RBFOX1: variants seen among roughly 807,000 people sequenced by gnomAD.
The protein encoded by RBFOX1 is RNA binding fox-1 homolog 1.
Under a neutral mutation model 57.7 loss-of-function variants are expected in RBFOX1, and 8 were observed. The observed-to-expected ratio is 0.14, with a 90% CI of 0.08 to 0.25. The LOEUF is 0.25. Among genes scored for constraint, RBFOX1 ranks in the 10% least tolerant of loss-of-function variants. The pLI is 1.00. For missense variants in RBFOX1, 611 were observed against 548.5 expected (o/e 1.11, Z -1.14); for synonymous variants, 326 against 222.4 (o/e 1.47, Z -4.15).
intron 2 of RBFOX1, among the ~76,000 whole-genome samples, chr16:6,631,441 C>T (rs970277571): frequency 3.3e-5 from 5 of 151,622 alleles, no homozygotes; most frequent in Non-Finnish European, 7.4e-5. Context: ...TTCCCAGTGA[C>T]AGAGTGAGCT....
chr16:5,565,550 G>T (rs181994387), intron 2 of RBFOX1, among the ~76,000 whole-genome samples: 1 of 151,926 alleles, frequency 6.6e-6, no homozygotes. Flanking sequence ...ACTTGAACCC[G>T]GGAGGCGGAG....
At chr16:7,154,133 T>A (rs183260987) in intron 4 of RBFOX1, among the ~76,000 whole-genome samples, 2 of 152,178 alleles carry the variant, frequency 1.3e-5, no homozygotes, top group African/African-American at 4.8e-5. Context: ...TTTTTGCACA[T>A]CATAGTTCAT....
At chr16:6,675,037 C>T (rs1315198872) in intron 3 of RBFOX1, among the ~76,000 whole-genome samples, 1 of 152,110 alleles carries the variant, frequency 6.6e-6, no homozygotes, top group Non-Finnish European at 1.5e-5. Context: ...TCCTCATTAG[C>T]TGGGACTACA....
chr16:6,183,689 G>A (rs12928161), intron 1 of RBFOX1, among the ~76,000 whole-genome samples: 111,405 of 151,784 alleles, frequency 0.73, 41,079 homozygotes, highest in Middle Eastern at 0.81. Context: ...AGGAACGGCC[G>A]GTGTAAAGAC....
chr16:5,963,187 G>C (rs1330540088), intron 4 of RBFOX1, among the ~76,000 whole-genome samples: 1 of 152,122 alleles, frequency 6.6e-6, no homozygotes, highest in East Asian at 1.9e-4. Context: ...GTCTTTATAG[G>C]TTAGGTAATG....
At chr16:7,353,369 G>C (rs74010652) in intron 4 of RBFOX1, among the ~76,000 whole-genome samples, 1 of 152,040 alleles carries the variant, frequency 6.6e-6, no homozygotes, top group African/African-American at 2.4e-5. Flanking sequence ...TGGCAGGAAT[G>C]TAAAATTCCG....
chr16:7,340,524 T>A (rs1161710545), intron 4 of RBFOX1, among the ~76,000 whole-genome samples: 1 of 152,194 alleles, frequency 6.6e-6, no homozygotes, highest in African/African-American at 2.4e-5. Context: ...CAACTCTTTT[T>A]ACAGACTAGT....
At chr16:6,723,053 T>C (rs1159506592) in intron 3 of RBFOX1, among the ~76,000 whole-genome samples, 1 of 152,150 alleles carries the variant, frequency 6.6e-6, no homozygotes, top group Non-Finnish European at 1.5e-5. Context: ...CTACCCAGGC[T>C]TTGGGGAGGG....
intron 3 of RBFOX1, among the ~76,000 whole-genome samples, chr16:6,662,347 C>A (rs914985328): frequency 8.5e-5 from 13 of 152,146 alleles, no homozygotes; most frequent in Admixed American, 2.0e-4. Flanking sequence ...GTAATCATTT[C>A]ATGATATACA....
chr16:5,956,612 C>T (rs1210636781), intron 4 of RBFOX1, among the ~76,000 whole-genome samples: 1 of 142,418 alleles, frequency 7.0e-6, no homozygotes, highest in Admixed American at 7.2e-5. Context: ...TAGTGAGGAA[C>T]AATTGGTAAA....
chr16:6,423,308 C>A (rs77441240), intron 2 of RBFOX1, among the ~76,000 whole-genome samples: 3 of 152,136 alleles, frequency 2.0e-5, no homozygotes, highest in Admixed American at 2.0e-4. Context: ...GTAGGAGGCA[C>A]GTCTTCCTGA....
At chr16:6,442,327 G>T (rs142839756) in intron 2 of RBFOX1, among the ~76,000 whole-genome samples, 2 of 152,168 alleles carry the variant, frequency 1.3e-5, no homozygotes, top group South Asian at 4.1e-4. Context: ...GGAGGCCAAG[G>T]TGGGTGGATC....
chr16:5,399,747 T>A (rs1400772628), intron 1 of RBFOX1, among the ~76,000 whole-genome samples: 49 of 129,812 alleles, frequency 3.8e-4, no homozygotes, highest in East Asian at 7.6e-4. Context: ...AAAAAAAAAA[T>A]TTTTTTTTTT....
Position 6,813,123 on chromosome 16 carries a change from C to G in RBFOX1, c.-16+158473C>G, listed in dbSNP as rs1440673606. ...TCCCATTAAAAAAAAAAAGTGCAAC[C>G]TAAGTTTTCAGGCCTCACCTTTGTA... On this transcript the variant is annotated intron_variant, in intron 3 of 15. Transcript: ENST00000550418. 2.0e-5 allele frequency among the ~76,000 whole-genome samples: 3 copies of G among 151,728 alleles called. 1 individual carries two copies. The highest frequency in any genetic ancestry group is 4.4e-5 in the Non-Finnish European group (3 of 67,956).
chr16:6,381,097 AG>A, intron 2 of RBFOX1, among the ~76,000 whole-genome samples: 1 of 152,292 alleles, frequency 6.6e-6, no homozygotes, highest in Middle Eastern at 3.4e-3. Context: ...AAGTTTTTGG[AG>A]GAAATCAAAT....
Position 7,433,528 on chromosome 16 carries a change from G to C in RBFOX1, c.28-84619G>C, listed in dbSNP as rs77660448. Among the ~76,000 whole-genome samples the C allele has an allele frequency of 3.5e-3, 526 of 152,342 alleles. 2 individuals carry two copies. The highest frequency in any genetic ancestry group is 0.012 in the African/African-American group (496 of 41,570). ...ACAGACAAATGCGCGGTGAAATCTT[G>C]CTGAAAGACTGCATGGAGGAGGAGG... On this transcript the variant is annotated intron_variant, in intron 4 of 15. Transcript: ENST00000550418.
intron 4 of RBFOX1, among the ~76,000 whole-genome samples, chr16:7,365,823 C>G (rs753186867): frequency 6.6e-6 from 1 of 152,200 alleles, no homozygotes; most frequent in Admixed American, 6.5e-5. Flanking sequence ...ACAGGTATCT[C>G]TTACGTGACT....
intron 3 of RBFOX1, among the ~76,000 whole-genome samples, chr16:5,683,247 G>A (rs777802136): frequency 6.6e-6 from 1 of 152,142 alleles, no homozygotes; most frequent in Non-Finnish European, 1.5e-5. Flanking sequence ...AAATAGTAAT[G>A]TGCAGGTCTT....
chr16:6,617,812 T>C (rs2098165658), intron 2 of RBFOX1, among the ~76,000 whole-genome samples: 1 of 152,142 alleles, frequency 6.6e-6, no homozygotes, highest in South Asian at 2.1e-4. Context: ...TTCTTTTATT[T>C]AGGAAGATTA....
Sources: gnomAD v4.1 joint callset for allele counts (sites outside exome capture counted in the v4.1 genomes callset) on GRCh38, gnomAD v4.1.1 for gene constraint, MANE v1.5 for transcripts, NCBI Gene and HGNC (gene_info 2026-07-23, HGNC 2026-07-21) for gene names.